Variants in ANKRD6 observed in about 807,000 individuals in gnomAD.
The protein encoded by ANKRD6 is ankyrin repeat domain-containing protein 6.
Under a neutral mutation model 82.3 loss-of-function variants are expected in ANKRD6, and 56 were observed. The ratio of observed to expected loss-of-function variants is 0.68; its 90% CI spans 0.55 to 0.85. The LOEUF (loss-of-function observed/expected upper bound fraction) is 0.85. Among genes scored for constraint, ANKRD6 ranks in the 40% least tolerant of loss-of-function variants. The probability of loss-of-function intolerance (pLI) is 0.00; values close to 1 mark genes in which losing one functional copy is unlikely to be tolerated. For missense variants in ANKRD6, 852 were observed against 907.6 expected (o/e 0.94, Z 0.79); for synonymous variants, 347 against 352.1 (o/e 0.99, Z 0.16).
In ANKRD6 at chr6:89,629,305, C is replaced by T. The variant is rs778859792; in HGVS notation, c.1612+67C>T. On this transcript the variant is annotated intron_variant, in intron 15 of 15. Transcript: ENST00000339746. Reference sequence around the variant, plus strand: ...GACCAGCAGCTCTTGTACTCTCCTGCACTGAAAGGCAGTACGTATGCTAGG... The same window carrying T: ...GACCAGCAGCTCTTGTACTCTCCTGTACTGAAAGGCAGTACGTATGCTAGG... The T allele has an allele frequency of 1.9e-6, 3 of 1,599,404 alleles. No homozygotes were observed. In the South Asian group the frequency reaches 3.3e-5, roughly 18 times the overall value.
At chr6:89,434,960 A>G (rs1296433203) in intron 1 of ANKRD6, among the ~76,000 whole-genome samples, 3 of 152,214 alleles carry the variant, frequency 2.0e-5, no homozygotes, top group Non-Finnish European at 4.4e-5. Flanking sequence ...GTTGGGAGGT[A>G]TAAACCAATG....
intron 1 of ANKRD6, among the ~76,000 whole-genome samples, chr6:89,468,032 C>T (rs560953374): frequency 9.9e-4 from 151 of 152,186 alleles, no homozygotes; most frequent in African/African-American, 3.5e-3. Flanking sequence ...TAAAGTTGCC[C>T]ATAGAGGTCC....
chr6:89,503,107 A>G (rs975781629), intron 1 of ANKRD6, among the ~76,000 whole-genome samples: 2 of 152,198 alleles, frequency 1.3e-5, no homozygotes, highest in African/African-American at 4.8e-5. Flanking sequence ...AGAAGCTATA[A>G]TATCTCACTG....
At chr6:89,554,917 T>G (rs1220651808) in intron 1 of ANKRD6, among the ~76,000 whole-genome samples, 1 of 152,204 alleles carries the variant, frequency 6.6e-6, no homozygotes, top group African/African-American at 2.4e-5. Context: ...ATCCAAAATA[T>G]AACCCCATAG....
chr6:89,518,554 A>G (rs1781506399), intron 1 of ANKRD6, among the ~76,000 whole-genome samples: 1 of 152,160 alleles, frequency 6.6e-6, no homozygotes, highest in African/African-American at 2.4e-5. Context: ...TGATGAACTG[A>G]TGAGTAGGCT....
chr6:89,623,127 C>T (rs1016506932), intron 10 of ANKRD6, among the ~76,000 whole-genome samples: 3 of 151,826 alleles, frequency 2.0e-5, no homozygotes, highest in South Asian at 2.1e-4. Context: ...TGTTTTGTGT[C>T]GGGTAGGTTC....
At chr6:89,619,130 T>C (rs535143432) in intron 9 of ANKRD6, among the ~76,000 whole-genome samples, 12 of 152,300 alleles carry the variant, frequency 7.9e-5, no homozygotes, top group Non-Finnish European at 8.8e-5. Flanking sequence ...ATTGATCACC[T>C]TCTTGTGCAT....
chr6:89,627,288 C>T (rs986442153), intron 13 of ANKRD6, among the ~76,000 whole-genome samples: 1 of 152,202 alleles, frequency 6.6e-6, no homozygotes, highest in African/African-American at 2.4e-5. Flanking sequence ...AACTCCTGAC[C>T]TCAGGTGGTG....
Position 89,624,519 on chromosome 6 carries a change from C to T in ANKRD6, c.1219-20C>T, listed in dbSNP as rs1379428227. On this transcript the variant is annotated intron_variant, in intron 12 of 15. Transcript: ENST00000339746. Reference sequence around the variant, plus strand: ...GAAGGAATGAACAAGGGATTGATTCCTTTTTTGTTTCTCTCTTAGGCACCA... The same window carrying T: ...GAAGGAATGAACAAGGGATTGATTCTTTTTTTGTTTCTCTCTTAGGCACCA... 1.9e-6 allele frequency: 3 copies of T among 1,551,434 alleles called. No individual in the cohort carries two copies. The highest frequency in any genetic ancestry group is 2.6e-6 in the Non-Finnish European group (3 of 1,146,794).
At chr6:89,503,774 G>A (rs903396149) in intron 1 of ANKRD6, among the ~76,000 whole-genome samples, 10 of 152,176 alleles carry the variant, frequency 6.6e-5, no homozygotes, top group African/African-American at 2.4e-4. Context: ...ACAAACACTT[G>A]TAGGCCCTAA....
chr6:89,521,501 C>T (rs956557108), intron 1 of ANKRD6, among the ~76,000 whole-genome samples: 22 of 152,158 alleles, frequency 1.4e-4, no homozygotes, highest in African/African-American at 5.3e-4. Flanking sequence ...ATCCTAAGGG[C>T]AACCAATATG....
chr6:89,461,583 A>C (rs1219400903), intron 1 of ANKRD6, among the ~76,000 whole-genome samples: 1 of 152,032 alleles, frequency 6.6e-6, no homozygotes, highest in Non-Finnish European at 1.5e-5. Context: ...CACTCATAAC[A>C]ACTCAGTATC....
intron 1 of ANKRD6, among the ~76,000 whole-genome samples, chr6:89,551,942 C>T (rs1785907996): frequency 2.0e-5 from 3 of 152,170 alleles, no homozygotes; most frequent in Non-Finnish European, 4.4e-5. Flanking sequence ...CTGCGGCCTT[C>T]ACATTAGGAA....
In ANKRD6 at chr6:89,453,991, C is replaced by T. The variant is rs781165256; in HGVS notation, c.-144+20616C>T. On this transcript the variant is annotated intron_variant, in intron 1 of 15. Transcript: ENST00000339746. The stretch of plus-strand genomic sequence containing the variant: ...TAACTTTTCGTATTTTTAGTAGAGA[C>T]GGAGTTTCACCATTTTGGCCAGGAT... 2.6e-4 allele frequency among the ~76,000 whole-genome samples: 40 copies of T among 151,994 alleles called. 1 individual carries two copies. The highest frequency in any genetic ancestry group is 4.0e-4 in the Non-Finnish European group (27 of 67,940).
At chr6:89,616,743 G>C in intron 8 of ANKRD6, 86 bp downstream of exon 8, 1 of 1,302,478 alleles carries the variant, frequency 7.7e-7, no homozygotes, top group Non-Finnish European at 1.1e-6. Context: ...CAGACCCCCA[G>C]GCCCAGCGCA....
intron 2 of ANKRD6, among the ~76,000 whole-genome samples, chr6:89,592,352 C>T (rs982703581): frequency 2.0e-5 from 3 of 152,118 alleles, no homozygotes; most frequent in African/African-American, 7.2e-5. Flanking sequence ...GACGTTACCT[C>T]GTGTCCTTAT....
At chr6:89,513,853 G>A (rs2127948550) in intron 1 of ANKRD6, among the ~76,000 whole-genome samples, 1 of 152,284 alleles carries the variant, frequency 6.6e-6, no homozygotes, top group East Asian at 1.9e-4. Context: ...TTATGGCATG[G>A]CAAAGCAATT....
intron 3 of ANKRD6, chr6:89,598,407 T>C: frequency 1.0e-6 from 1 of 985,308 alleles, no homozygotes; most frequent in Non-Finnish European, 1.2e-6. Flanking sequence ...GGAAGGACCC[T>C]AGAAGATCAG....
chr6:89,467,156 A>G (rs1389362558), intron 1 of ANKRD6, among the ~76,000 whole-genome samples: 1 of 152,036 alleles, frequency 6.6e-6, no homozygotes, highest in Non-Finnish European at 1.5e-5. Flanking sequence ...AGCCTGGGCA[A>G]CATAGCGAGA....
Sources: allele counts gnomAD v4.1 joint callset (sites outside exome capture counted in the v4.1 genomes callset), GRCh38; gene constraint gnomAD v4.1.1; transcripts MANE v1.5; gene names NCBI Gene and HGNC (gene_info 2026-07-23, HGNC 2026-07-21).